The following DIS3L2 variants were observed in gnomAD, a reference collection of about 807,000 sequenced individuals.
DIS3L2 encodes the protein DIS3-like exonuclease 2.
A neutral mutation model predicts 97.5 loss-of-function variants in DIS3L2; 34 were observed. The ratio of observed to expected loss-of-function variants is 0.35; its 90% CI spans 0.27 to 0.46. The LOEUF (loss-of-function observed/expected upper bound fraction) is 0.46, where lower values mean the gene tolerates loss of function less well. Among genes scored for constraint, DIS3L2 ranks in the 20% least tolerant of loss-of-function variants. The pLI, the probability that DIS3L2 is intolerant of heterozygous loss-of-function variation, is 1.00. For synonymous variants in DIS3L2, 435 were observed against 445.2 expected, an observed-to-expected ratio of 0.98 and a Z score of 0.29; for missense variants, 1,038 against 1,146.0, an observed-to-expected ratio of 0.91 and a Z score of 1.36.
At chr2:232,220,436 C>T (rs550978295) in intron 10 of DIS3L2, among the ~76,000 whole-genome samples, 28 of 152,190 alleles carry the variant, frequency 1.8e-4, no homozygotes, top group African/African-American at 6.5e-4. Context: ...GGGCGGGGTG[C>T]GATGGATCAT....
intron 14 of DIS3L2, among the ~76,000 whole-genome samples, chr2:232,315,032 C>T (rs1695231470): frequency 6.6e-6 from 1 of 152,172 alleles, no homozygotes; most frequent in Non-Finnish European, 1.5e-5. Context: ...GCTCTCTGGT[C>T]CCTCATGCTA....
chr2:232,336,868 C>T lies in DIS3L2; in HGVS notation c.*238C>T. The stretch of plus-strand genomic sequence containing the variant: ...CCCAGCAGAGCAGGCCCCAGTCCTC[C>T]TGGGAGGCTGGCCCCCCTTTTTTCT... On this transcript the variant is annotated 3_prime_UTR_variant, in exon 21 of 21. Transcript: ENST00000325385. 6.0e-6 allele frequency: 8 copies of T among 1,344,278 alleles called. No individual in the cohort carries two copies. Among genetic ancestry groups the T allele is most frequent in the Non-Finnish European group, 7.6e-6 (8 of 1,049,018 alleles). 83.3% of individuals were successfully genotyped at this position (1,344,278 alleles called of 1,614,324 possible).
intron 16 of DIS3L2, among the ~76,000 whole-genome samples, chr2:232,332,776 G>A (rs1299105205): frequency 6.6e-6 from 1 of 152,198 alleles, no homozygotes; most frequent in Non-Finnish European, 1.5e-5. Flanking sequence ...TGACTGCTGT[G>A]GGGTGGAGTA....
At chr2:232,128,308 T>G (rs1698124770) in intron 6 of DIS3L2, among the ~76,000 whole-genome samples, 1 of 152,084 alleles carries the variant, frequency 6.6e-6, no homozygotes, top group Admixed American at 6.5e-5. Context: ...CACATTAGTC[T>G]ATAGGGCTGG....
At chr2:232,314,072 C>T (rs1219434138) in intron 14 of DIS3L2, among the ~76,000 whole-genome samples, 1 of 152,194 alleles carries the variant, frequency 6.6e-6, no homozygotes, top group African/African-American at 2.4e-5. Context: ...TCACCTGCCC[C>T]ATCCCACCTT....
At chr2:232,143,027 G>A (rs149211422) in intron 8 of DIS3L2, among the ~76,000 whole-genome samples, 1 of 152,264 alleles carries the variant, frequency 6.6e-6, no homozygotes, top group African/African-American at 2.4e-5. Context: ...TCTAAATATC[G>A]TCTAGTTGTA....
intron 3 of DIS3L2, chr2:232,015,903 T>G (rs1275713940): frequency 5.2e-6 from 2 of 381,134 alleles, no homozygotes; most frequent in East Asian, 8.4e-5. Flanking sequence ...GCTCTGAGAT[T>G]TGAGAGGAGG....
chr2:232,311,533 CCCGGGCAGTGTAACGACA>C (rs1251974291), intron 14 of DIS3L2, among the ~76,000 whole-genome samples: 2 of 152,082 alleles, frequency 1.3e-5, no homozygotes, highest in Non-Finnish European at 2.9e-5. Context: ...ATGACACCAG[CCCGGGCAGTGTAACGACA>C]ATTAACAAAT....
At chr2:232,149,166 G>A (rs567510469) in intron 8 of DIS3L2, among the ~76,000 whole-genome samples, 4 of 149,200 alleles carry the variant, frequency 2.7e-5, no homozygotes, top group Admixed American at 2.7e-4. Flanking sequence ...CAGAATGTAA[G>A]CAAATCTTTC....
In DIS3L2 at chr2:232,181,672, T is replaced by C. The variant is rs562682924; in HGVS notation, c.1124+18040T>C. Among the ~76,000 whole-genome samples the C allele has an allele frequency of 2.4e-4, 37 of 152,240 alleles. 1 individual carries two copies. The highest frequency in any genetic ancestry group is 8.7e-4 in the African/African-American group (36 of 41,538). ...TTAATTTTTTGAGACAATGTCTCAC[T>C]CTGTCACTCATGCTGGAGTGCAGTG... On this transcript the variant is annotated intron_variant, in intron 9 of 20. Coordinates refer to ENST00000325385, the MANE Select transcript of DIS3L2 (RefSeq NM_152383.5).
rs1008757722 is a variant in DIS3L2 at position 232,336,525 on chromosome 2, C to G, written c.2553C>G (p.Leu851=). 1 of 1,610,850 alleles carries G rather than the reference C, an allele frequency of 6.2e-7. No homozygotes were observed. Among genetic ancestry groups the G allele is most frequent in the Non-Finnish European group, 8.5e-7 (1 of 1,179,960 alleles). The change falls in exon 21 of 21, where the codon CTC becomes CTG. Residue 851 remains leucine, a synonymous_variant. Transcript: ENST00000325385. ...EVVLQAESTA[L]KYSAILKRPG... ...TCCTGCAGGCAGAGTCCACAGCCCTCAAGTACAGCGCCATCCTGAAGCGGC... is the reference window on the plus strand; with the variant it reads ...TCCTGCAGGCAGAGTCCACAGCCCTGAAGTACAGCGCCATCCTGAAGCGGC...
intron 14 of DIS3L2, among the ~76,000 whole-genome samples, chr2:232,303,960 G>A (rs1281612778): frequency 6.6e-6 from 1 of 152,198 alleles, no homozygotes. Flanking sequence ...TAGAGGCACA[G>A]CTGTCGGGTA....
intron 9 of DIS3L2, among the ~76,000 whole-genome samples, chr2:232,194,527 G>T (rs182200716): frequency 1.3e-5 from 2 of 152,300 alleles, no homozygotes; most frequent in East Asian, 1.9e-4. Flanking sequence ...ATGCCAAGCT[G>T]AGGATTATAG....
chr2:231,993,145 A>T (rs1366476143), intron 1 of DIS3L2, among the ~76,000 whole-genome samples: 1 of 152,030 alleles, frequency 6.6e-6, no homozygotes, highest in East Asian at 1.9e-4. Context: ...TTGGCTGATG[A>T]TCTCTACCCC....
chr2:232,262,582 A>G (rs1031181253), intron 12 of DIS3L2, among the ~76,000 whole-genome samples: 1 of 152,184 alleles, frequency 6.6e-6, no homozygotes, highest in African/African-American at 2.4e-5. Context: ...GAGGCCAGGG[A>G]TACTGCTGAA....
intron 9 of DIS3L2, among the ~76,000 whole-genome samples, chr2:232,171,045 G>GT (rs1238241651): frequency 6.6e-5 from 10 of 152,170 alleles, no homozygotes; most frequent in African/African-American, 2.4e-4. Context: ...AGACAGTGTG[G>GT]TAGCATTGAA....
At chr2:232,058,361 G>T (rs1361244800) in intron 5 of DIS3L2, among the ~76,000 whole-genome samples, 1 of 152,138 alleles carries the variant, frequency 6.6e-6, no homozygotes, top group Non-Finnish European at 1.5e-5. Flanking sequence ...AGAGCTTCTG[G>T]AATCCAAAGG....
At chr2:232,183,168 T>C (rs894086674) in intron 9 of DIS3L2, among the ~76,000 whole-genome samples, 5 of 152,216 alleles carry the variant, frequency 3.3e-5, no homozygotes, top group Admixed American at 1.3e-4. Context: ...TCATCAGATA[T>C]TGATTCTGCT....
At chr2:231,969,780 C>T (rs1430686600) in intron 1 of DIS3L2, among the ~76,000 whole-genome samples, 4 of 151,978 alleles carry the variant, frequency 2.6e-5, no homozygotes, top group South Asian at 2.1e-4. Context: ...GATTACTTGT[C>T]TTGTTTCTTC....
Sources: gnomAD v4.1 joint callset for allele counts (sites outside exome capture counted in the v4.1 genomes callset) on GRCh38, gnomAD v4.1.1 for gene constraint, MANE v1.5 for transcripts, NCBI Gene and HGNC (gene_info 2026-07-23, HGNC 2026-07-21) for gene names.